Variants in TNIK observed in about 807,000 individuals in gnomAD.
The protein encoded by TNIK is TRAF2 and NCK interacting kinase.
In TNIK, 49 loss-of-function variants were observed where a neutral mutation model predicts 191.3. The observed-to-expected ratio is 0.26, with a 90% CI of 0.20 to 0.32. The LOEUF (loss-of-function observed/expected upper bound fraction) is 0.32, where lower values mean the gene tolerates loss of function less well. TNIK is among the 10% of genes least tolerant of loss of function. TNIK has a pLI of 1.00. For synonymous variants in TNIK, 594 were observed against 600.9 expected (o/e 0.99, Z 0.17); for missense variants, 1,155 against 1,702.3 (o/e 0.68, Z 5.66).
At chr3:171,218,432 C>G (rs1741722063) in intron 3 of TNIK, among the ~76,000 whole-genome samples, 1 of 152,046 alleles carries the variant, frequency 6.6e-6, no homozygotes, top group Non-Finnish European at 1.5e-5. Context: ...AATAATGTCA[C>G]TCATGTGGCT....
At chr3:171,140,342 A>G in intron 13 of TNIK, 57 bp downstream of exon 13, 1 of 1,386,780 alleles carries the variant, frequency 7.2e-7, no homozygotes, top group East Asian at 2.4e-5. Context: ...ACCCCAGAGA[A>G]GGCTGGTGCT....
intron 12 of TNIK, among the ~76,000 whole-genome samples, chr3:171,142,294 A>G (rs540420605): frequency 1.3e-5 from 2 of 152,340 alleles, no homozygotes; most frequent in South Asian, 4.1e-4. Context: ...AAGCAGTGCA[A>G]GGCCATTCTG....
chr3:171,253,283 A>AG (rs11397979), intron 2 of TNIK, among the ~76,000 whole-genome samples: 3,237 of 148,232 alleles, frequency 0.022, 110 homozygotes, highest in African/African-American at 0.076. Context: ...GACTGTCTCA[A>AG]AAAAAAAAAA....
At chr3:171,232,414 TAA>T (rs1203488042) in intron 2 of TNIK, among the ~76,000 whole-genome samples, 4 of 151,568 alleles carry the variant, frequency 2.6e-5, no homozygotes, top group African/African-American at 7.3e-5. Flanking sequence ...TAAAAGGAGA[TAA>T]AAGAGTTTAA....
chr3:171,157,412 C>T (rs1181358618), intron 12 of TNIK, 48 bp downstream of exon 12: 14 of 1,544,054 alleles, frequency 9.1e-6, no homozygotes, highest in Non-Finnish European at 1.2e-5. Flanking sequence ...TGGAGAGTGA[C>T]CACAACTGAG....
At chr3:171,312,179 A>G (rs1219981858) in intron 2 of TNIK, among the ~76,000 whole-genome samples, 1 of 149,790 alleles carries the variant, frequency 6.7e-6, no homozygotes, top group Non-Finnish European at 1.5e-5. Context: ...AAATATGTCC[A>G]CAAATGAATA....
At chr3:171,289,829 GA>G (rs1751472872) in intron 2 of TNIK, among the ~76,000 whole-genome samples, 1 of 151,172 alleles carries the variant, frequency 6.6e-6, no homozygotes, top group Non-Finnish European at 1.5e-5. Context: ...TTGAACCCAG[GA>G]GGCAGAGGTT....
intron 18 of TNIK, among the ~76,000 whole-genome samples, chr3:171,113,225 G>GT (rs1560131239): frequency 6.6e-6 from 1 of 152,034 alleles, no homozygotes; most frequent in African/African-American, 2.4e-5. Context: ...TGGAGTCTTT[G>GT]TATTTTTTTT....
chr3:171,076,745 G>A (rs61791146), intron 28 of TNIK, among the ~76,000 whole-genome samples: 15,595 of 151,800 alleles, frequency 0.1, 878 homozygotes, highest in Middle Eastern at 0.16. Flanking sequence ...AAAAACAACC[G>A]CTTGCAACTC....
intron 18 of TNIK, among the ~76,000 whole-genome samples, chr3:171,114,939 T>TAAAC (rs58403236): frequency 0.081 from 12,271 of 152,186 alleles, 1,313 homozygotes; most frequent in African/African-American, 0.24. Flanking sequence ...TTAAAATAAA[T>TAAAC]AATCTCTTTT....
chr3:171,165,002 C>T (rs144821889), intron 10 of TNIK, among the ~76,000 whole-genome samples: 3,089 of 152,280 alleles, frequency 0.02, 49 homozygotes, highest in South Asian at 0.047. Context: ...GAATTCTTCC[C>T]TGGGGCTGGG....
intron 2 of TNIK, among the ~76,000 whole-genome samples, chr3:171,248,826 G>C (rs577982266): frequency 6.6e-6 from 1 of 152,286 alleles, no homozygotes; most frequent in African/African-American, 2.4e-5. Context: ...CATCACAGCT[G>C]GTTAATGGCA....
rs16855920 is a variant in TNIK at position 171,155,595 on chromosome 3, G to A, written c.1221+1865C>T. ...TCTCTGGCTGCACATGCCTCAGTGA[G>A]CTGAACTCTGACTTGCTCCATGGTA... On this transcript the variant is annotated intron_variant, in intron 12 of 32. Coordinates refer to ENST00000436636, the MANE Select transcript of TNIK (RefSeq NM_015028.4). Among the ~76,000 whole-genome samples the A allele has an allele frequency of 2.6e-5, 4 of 152,316 alleles. No individual in the cohort carries two copies. The East Asian group carries it at 5.8e-4, about 22-fold the overall frequency.
At chr3:171,271,060 C>A (rs145748986) in intron 2 of TNIK, among the ~76,000 whole-genome samples, 1 of 152,172 alleles carries the variant, frequency 6.6e-6, no homozygotes, top group Non-Finnish European at 1.5e-5. Context: ...AGTACACTGC[C>A]TGATACATGG....
chr3:171,068,899 A>G lies in TNIK; in HGVS notation c.3648T>C (p.His1216=). The change falls in exon 30 of 33, where the codon CAT becomes CAC. Residue 1216 remains histidine (H), a synonymous_variant. Coordinates refer to ENST00000436636, the MANE Select transcript of TNIK (RefSeq NM_015028.4). The part of the protein sequence containing the change: ...KVIFGSHTGF[H]VIDVDSGNSY... ...AGTTTCCTGAATCAACATCAATTACATGGAAACCAGTGTGTGAACCAAAAA... is the reference window on the plus strand; with the variant it reads ...AGTTTCCTGAATCAACATCAATTACGTGGAAACCAGTGTGTGAACCAAAAA... 6.2e-7 allele frequency: 1 copy of G among 1,613,872 alleles called. No homozygotes were observed. Among genetic ancestry groups the G allele is most frequent in the Non-Finnish European group, 8.5e-7 (1 of 1,179,812 alleles).
intron 2 of TNIK, among the ~76,000 whole-genome samples, chr3:171,299,220 G>A (rs1752638085): frequency 6.6e-6 from 1 of 152,178 alleles, no homozygotes; most frequent in Admixed American, 6.5e-5. Flanking sequence ...AGGCTTCTGT[G>A]CCAATAAAAC....
Position 171,128,886 on chromosome 3 carries a change from C to CAA in TNIK, c.1609-9_1609-8insTT. On this transcript the variant is annotated splice_polypyrimidine_tract_variant and intron_variant, in intron 15 of 32. Transcript: ENST00000436636. ...CCTTGACCGTTCTTCTACCTACAAC[C>CAA]CAAAAAAAAAAAAAAAAAAAAGACA... is the stretch of plus-strand genomic sequence containing the variant. The CAA allele has an allele frequency of 1.0e-5, 12 of 1,202,146 alleles. No individual in the cohort carries two copies. The highest frequency in any genetic ancestry group is 7.5e-5 in the South Asian group (3 of 39,960). 74.5% of individuals were successfully genotyped at this position (1,202,146 alleles called of 1,614,324 possible).
chr3:171,309,279 C>A (rs1753774891), intron 2 of TNIK, among the ~76,000 whole-genome samples: 1 of 152,058 alleles, frequency 6.6e-6, no homozygotes. Flanking sequence ...AGGTCATCAT[C>A]CCAAGTAAAA....
intron 22 of TNIK, among the ~76,000 whole-genome samples, chr3:171,097,682 G>GC (rs954950787): frequency 1.3e-5 from 2 of 152,250 alleles, no homozygotes; most frequent in African/African-American, 4.8e-5. Flanking sequence ...TGATTGTGAG[G>GC]CCCCCCTAGC....
Sources: gnomAD v4.1 joint callset for allele counts (sites outside exome capture counted in the v4.1 genomes callset) on GRCh38, gnomAD v4.1.1 for gene constraint, MANE v1.5 for transcripts, NCBI Gene and HGNC (gene_info 2026-07-23, HGNC 2026-07-21) for gene names.